Variants in HIGD1A observed in about 807,000 individuals in gnomAD.
HIGD1A encodes the protein HIG1 domain family member 1A, mitochondrial.
In HIGD1A, 8 loss-of-function variants were observed where a neutral mutation model predicts 11.3. The observed-to-expected ratio is 0.71, with a 90% CI of 0.42 to 1.28. The LOEUF (loss-of-function observed/expected upper bound fraction) is 1.28. Ranked by LOEUF, HIGD1A falls within the 50% of genes most tolerant of loss-of-function variation. The pLI, the probability that HIGD1A is intolerant of heterozygous loss-of-function variation, is 0.01. For synonymous variants in HIGD1A, 32 were observed against 38.4 expected (o/e 0.83, Z 0.62); for missense variants, 107 against 118.8 (o/e 0.90, Z 0.46).
intron 1 of HIGD1A, 133 bp downstream of exon 1, chr3:42,804,300 TCTC>T: frequency 9.4e-7 from 1 of 1,061,112 alleles, no homozygotes; most frequent in South Asian, 1.5e-5. Flanking sequence ...CAACTCCACC[TCTC>T]CTCCCTCATT....
intron 1 of HIGD1A, among the ~76,000 whole-genome samples, chr3:42,801,182 A>G (rs1178515222): frequency 6.6e-6 from 1 of 152,156 alleles, no homozygotes; most frequent in Non-Finnish European, 1.5e-5. Context: ...TAATTAATGT[A>G]CTAGTCTGTA....
At chr3:42,788,666 G>C (rs1024983358) in intron 2 of HIGD1A, among the ~76,000 whole-genome samples, 28 of 152,066 alleles carry the variant, frequency 1.8e-4, no homozygotes, top group Admixed American at 2.6e-4. Flanking sequence ...TGAATCACTT[G>C]AAAACAGGAG....
intron 1 of HIGD1A, among the ~76,000 whole-genome samples, chr3:42,795,777 C>T (rs1700489815): frequency 6.6e-6 from 1 of 151,846 alleles, no homozygotes; most frequent in South Asian, 2.1e-4. Context: ...GGCTCCTTTC[C>T]TCCTTTTCAG....
intron 1 of HIGD1A, among the ~76,000 whole-genome samples, chr3:42,795,297 C>A (rs1200282879): frequency 1.3e-5 from 2 of 151,316 alleles, no homozygotes; most frequent in Non-Finnish European, 2.9e-5. Context: ...TGGTTCACTG[C>A]AACCTCTGCC....
chr3:42,788,886 A>T (rs915506929), intron 2 of HIGD1A, among the ~76,000 whole-genome samples: 14 of 151,948 alleles, frequency 9.2e-5, no homozygotes, highest in African/African-American at 3.4e-4. Context: ...CAAAAACTAA[A>T]AAATAAAAAA....
chr3:42,794,437 T>A, intron 1 of HIGD1A, 162 bp from the exon 2 acceptor site: 2 of 691,964 alleles, frequency 2.9e-6, no homozygotes, highest in Non-Finnish European at 4.4e-6. Context: ...GTATTTTTAA[T>A]GTACAGTCAC....
At chr3:42,802,386 ATCTG>A (rs1258406507) in intron 1 of HIGD1A, among the ~76,000 whole-genome samples, 2 of 152,138 alleles carry the variant, frequency 1.3e-5, no homozygotes, top group Admixed American at 6.5e-5. Flanking sequence ...ACAGATGATA[ATCTG>A]TCTGTGATTC....
chr3:42,783,849 G>A lies in HIGD1A; in HGVS notation c.*1422C>T, dbSNP rs1267426901. Among the ~76,000 whole-genome samples the A allele has an allele frequency of 6.6e-6, 1 of 152,162 alleles. No homozygotes were observed. Among genetic ancestry groups the A allele is most frequent in the East Asian group, 1.9e-4 (1 of 5,188 alleles). ...CTAGCACTTTGGGAGGCCGAGGCAG[G>A]TGGATAACCTGAGGTCAGGAATTCA... is the stretch of plus-strand genomic sequence containing the variant. On this transcript the variant is annotated 3_prime_UTR_variant, in exon 4 of 4. Coordinates refer to ENST00000321331, the MANE Select transcript of HIGD1A (RefSeq NM_014056.4).
At chr3:42,786,533 C>T (rs1156993626) in intron 2 of HIGD1A, among the ~76,000 whole-genome samples, 2 of 152,168 alleles carry the variant, frequency 1.3e-5, no homozygotes, top group African/African-American at 2.4e-5. Context: ...TTCCCTCCCT[C>T]AAGGTAATCA....
chr3:42,795,985 G>A (rs982137307), intron 1 of HIGD1A, among the ~76,000 whole-genome samples: 3 of 152,184 alleles, frequency 2.0e-5, no homozygotes, highest in African/African-American at 7.2e-5. Flanking sequence ...AAACTTAAAA[G>A]TCTATGCCCA....
chr3:42,796,495 G>A (rs1053411206), intron 1 of HIGD1A, among the ~76,000 whole-genome samples: 1 of 151,156 alleles, frequency 6.6e-6, no homozygotes, highest in African/African-American at 2.4e-5. Flanking sequence ...CACCTTGCCC[G>A]CTGGCTAGAC....
At chr3:42,787,618 T>C (rs1700369136) in intron 2 of HIGD1A, among the ~76,000 whole-genome samples, 1 of 144,756 alleles carries the variant, frequency 6.9e-6, no homozygotes, top group Non-Finnish European at 1.5e-5. Flanking sequence ...TATATATATA[T>C]ATAAATTTTT....
At chr3:42,804,242 C>A in intron 1 of HIGD1A, 194 bp downstream of exon 1, 1 of 1,597,670 alleles carries the variant, frequency 6.3e-7, no homozygotes. Context: ...GGCCTCGGCT[C>A]CCGACTCCTC....
chr3:42,784,953 T>C lies in HIGD1A; in HGVS notation c.*318A>G, dbSNP rs946375840. 7 of 290,636 alleles carry C rather than the reference T, an allele frequency of 2.4e-5. No individual in the cohort carries two copies. Among genetic ancestry groups the C allele is most frequent in the Non-Finnish European group, 4.5e-5 (7 of 157,112 alleles). The allele number at this position is 290,636 out of a possible 1,614,324, so 18.0% of individuals were successfully genotyped here. ...CAGCAAACAGGGAGTACCTTCAGGA[T>C]TGGCCTGTTATCTTCTTTAGAACTA... is the stretch of plus-strand genomic sequence containing the variant. On this transcript the variant is annotated 3_prime_UTR_variant, in exon 4 of 4. Transcript: ENST00000321331.
chr3:42,793,902 C>T (rs895438298), intron 2 of HIGD1A, among the ~76,000 whole-genome samples: 5 of 151,738 alleles, frequency 3.3e-5, no homozygotes, highest in African/African-American at 4.8e-5. Flanking sequence ...CCTGAGAGGT[C>T]GAGGGATGGG....
At chr3:42,804,086 C>T in intron 1 of HIGD1A, 1 of 1,394,118 alleles carries the variant, frequency 7.2e-7, no homozygotes, top group Non-Finnish European at 9.9e-7. Flanking sequence ...CTCCTCGCTC[C>T]CCGCCGTCGG....
In HIGD1A at chr3:42,783,242, T is replaced by C. The variant is rs1445138902; in HGVS notation, c.*2029A>G. Reference sequence around the variant, plus strand: ...GAGAAAAGGAAAAGAAAGTGGAAGTTCACTGATACAATAATAGTTGGGCAC... The same window carrying C: ...GAGAAAAGGAAAAGAAAGTGGAAGTCCACTGATACAATAATAGTTGGGCAC... On this transcript the variant is annotated 3_prime_UTR_variant, in exon 4 of 4. Transcript: ENST00000321331. Among the ~76,000 whole-genome samples, 1 of 152,210 alleles carries C rather than the reference T, an allele frequency of 6.6e-6. No individual in the cohort carries two copies. The highest frequency in any genetic ancestry group is 2.4e-5 in the African/African-American group (1 of 41,454).
chr3:42,799,447 C>A (rs1465516225), intron 1 of HIGD1A, among the ~76,000 whole-genome samples: 1 of 152,096 alleles, frequency 6.6e-6, no homozygotes, highest in East Asian at 1.9e-4. Context: ...AGGGCTGTTA[C>A]CATCTTTGCT....
chr3:42,801,369 G>A (rs2125595807), intron 1 of HIGD1A, among the ~76,000 whole-genome samples: 1 of 152,264 alleles, frequency 6.6e-6, no homozygotes, highest in Middle Eastern at 3.4e-3. Context: ...ATAGGACCTT[G>A]TACTTTCCTT....
Sources: allele counts gnomAD v4.1 joint callset (sites outside exome capture counted in the v4.1 genomes callset), GRCh38; gene constraint gnomAD v4.1.1; transcripts MANE v1.5; gene names NCBI Gene and HGNC (gene_info 2026-07-23, HGNC 2026-07-21).